Variants in CSMD1 observed in about 807,000 individuals in gnomAD.
The protein encoded by CSMD1 is CUB and sushi domain-containing protein 1.
In CSMD1, 213 loss-of-function variants were observed where a neutral mutation model predicts 417.5. That is an observed-to-expected ratio of 0.51 (90% CI 0.46 to 0.57). The LOEUF is 0.57. Ranked by LOEUF, CSMD1 falls within the 20% of genes least tolerant of loss-of-function variation. The pLI, the probability that CSMD1 is intolerant of heterozygous loss-of-function variation, is 0.00. For missense variants in CSMD1, 6,923 were observed against 4,529.7 expected (o/e 1.53, Z -15.17); for synonymous variants, 2,862 against 1,736.8 (o/e 1.65, Z -16.11).
chr8:3,052,612 C>T lies in CSMD1; in HGVS notation c.7510G>A (p.Gly2504Ser), dbSNP rs1220667084. The T allele has an allele frequency of 1.2e-5, 19 of 1,611,248 alleles. No homozygotes were observed. The highest frequency in any genetic ancestry group is 1.5e-5 in the Non-Finnish European group (18 of 1,178,846). Residue 2504 changes from glycine (G) to serine (S), a missense_variant, in exon 50 of 70, where the codon GGT (glycine) becomes AGT (serine). Transcript: ENST00000635120. Reference protein sequence around the residue: ...SCGIPESPGNGSFTGNEFTLD... With the variant: ...SCGIPESPGNSSFTGNEFTLD... ...GTGAACTCGTTCCCGGTAAATGAACCGTTTCCTGGGGATTCTGGGATTCCA... is the reference window on the plus strand; with the variant it reads ...GTGAACTCGTTCCCGGTAAATGAACTGTTTCCTGGGGATTCTGGGATTCCA...
intron 3 of CSMD1, among the ~76,000 whole-genome samples, chr8:4,315,690 G>C (rs892000361): frequency 6.6e-6 from 1 of 152,114 alleles, no homozygotes; most frequent in African/African-American, 2.4e-5. Flanking sequence ...TTATAAAATA[G>C]CCATTGAAGT....
At chr8:4,396,877 G>T (rs571071649) in intron 3 of CSMD1, among the ~76,000 whole-genome samples, 46 of 152,134 alleles carry the variant, frequency 3.0e-4, no homozygotes, top group African/African-American at 1.1e-3. Flanking sequence ...TCAGGACTAG[G>T]GGGAAAGGGT....
At chr8:4,236,734 G>C (rs932615962) in intron 3 of CSMD1, among the ~76,000 whole-genome samples, 1 of 152,160 alleles carries the variant, frequency 6.6e-6, no homozygotes, top group African/African-American at 2.4e-5. Context: ...TGCCTTCGAA[G>C]ACTGCTGGAT....
chr8:4,397,420 T>G (rs1335717951), intron 3 of CSMD1, among the ~76,000 whole-genome samples: 1 of 151,902 alleles, frequency 6.6e-6, no homozygotes, highest in Non-Finnish European at 1.5e-5. Context: ...AAGAAATCAT[T>G]AGGAACATGG....
At chr8:4,518,001 T>G (rs1375363315) in intron 2 of CSMD1, among the ~76,000 whole-genome samples, 1 of 152,194 alleles carries the variant, frequency 6.6e-6, no homozygotes, top group Non-Finnish European at 1.5e-5. Flanking sequence ...TGATACTCAT[T>G]AAATTGATAC....
chr8:4,537,999 G>A (rs539746428), intron 2 of CSMD1, among the ~76,000 whole-genome samples: 138 of 152,234 alleles, frequency 9.1e-4, no homozygotes, highest in East Asian at 1.5e-3. Flanking sequence ...CATGCTCTGC[G>A]TCATGGTTTT....
chr8:4,068,450 T>G (rs940327070), intron 3 of CSMD1, among the ~76,000 whole-genome samples: 2 of 152,218 alleles, frequency 1.3e-5, no homozygotes, highest in Non-Finnish European at 2.9e-5. Flanking sequence ...TGTATATTTT[T>G]AGAAAGAAGT....
At chr8:4,213,141 A>C (rs1800423733) in intron 3 of CSMD1, among the ~76,000 whole-genome samples, 1 of 152,138 alleles carries the variant, frequency 6.6e-6, no homozygotes, top group Non-Finnish European at 1.5e-5. Flanking sequence ...ACATCTGGAA[A>C]ATTTCTTACT....
At chr8:3,898,196 T>A (rs1041936768) in intron 5 of CSMD1, among the ~76,000 whole-genome samples, 10 of 152,128 alleles carry the variant, frequency 6.6e-5, no homozygotes, top group African/African-American at 2.4e-4. Flanking sequence ...AGCAACAAGC[T>A]TATGAGTATG....
At chr8:3,606,258 T>C (rs979128883) in intron 8 of CSMD1, among the ~76,000 whole-genome samples, 1 of 152,074 alleles carries the variant, frequency 6.6e-6, no homozygotes, top group Non-Finnish European at 1.5e-5. Context: ...GTTAGGCAAT[T>C]TGGTGGTTGT....
intron 1 of CSMD1, among the ~76,000 whole-genome samples, chr8:4,738,329 A>G (rs1810374164): frequency 6.6e-6 from 1 of 152,228 alleles, no homozygotes; most frequent in South Asian, 2.1e-4. Context: ...CTAACATTTC[A>G]GCATGGGCGA....
chr8:4,002,052 T>G lies in CSMD1; in HGVS notation c.611-3942A>C, dbSNP rs192160303. Among the ~76,000 whole-genome samples the G allele has an allele frequency of 7.9e-5, 12 of 152,284 alleles. No homozygotes were observed. In the East Asian group the frequency reaches 2.3e-3, roughly 29 times the overall value. On this transcript the variant is annotated intron_variant, in intron 4 of 69. Coordinates refer to ENST00000635120, the MANE Select transcript of CSMD1 (RefSeq NM_033225.6). ...TTTGTATAGCACTCCACATAAAATATAGTAGAAGATTATTAAGATAGTCTG... is the reference window on the plus strand; with the variant it reads ...TTTGTATAGCACTCCACATAAAATAGAGTAGAAGATTATTAAGATAGTCTG...
chr8:3,974,882 T>A (rs1813326790), intron 5 of CSMD1, among the ~76,000 whole-genome samples: 1 of 152,118 alleles, frequency 6.6e-6, no homozygotes, highest in South Asian at 2.1e-4. Context: ...ATTTAAGAAT[T>A]TAAAAATAAC....
chr8:4,440,905 G>T (rs1342024172), intron 2 of CSMD1, among the ~76,000 whole-genome samples: 1 of 151,344 alleles, frequency 6.6e-6, no homozygotes, highest in African/African-American at 2.4e-5. Flanking sequence ...ACTGAGGCAT[G>T]AGAATCACTT....
At chr8:4,066,765 C>G (rs1011035636) in intron 3 of CSMD1, among the ~76,000 whole-genome samples, 1 of 152,070 alleles carries the variant, frequency 6.6e-6, no homozygotes, top group South Asian at 2.1e-4. Context: ...CAAGCAAATA[C>G]GGAAAGGGGC....
chr8:3,575,169 GTAAA>G, intron 9 of CSMD1, 103 bp from the exon 10 acceptor site: 1 of 706,406 alleles, frequency 1.4e-6, no homozygotes, highest in Admixed American at 5.9e-5. Flanking sequence ...TCTAATCACA[GTAAA>G]AAAAAAAAAA....
intron 50 of CSMD1, among the ~76,000 whole-genome samples, chr8:3,048,555 A>C (rs1188043073): frequency 6.6e-6 from 1 of 152,192 alleles, no homozygotes; most frequent in East Asian, 1.9e-4. Context: ...ATCCAGACAC[A>C]GACCTTTTGC....
intron 2 of CSMD1, among the ~76,000 whole-genome samples, chr8:4,619,630 C>A (rs1296560858): frequency 6.6e-6 from 1 of 152,110 alleles, no homozygotes; most frequent in Non-Finnish European, 1.5e-5. Flanking sequence ...GCACTCTGTA[C>A]TCTAGCCACA....
intron 2 of CSMD1, among the ~76,000 whole-genome samples, chr8:4,622,410 C>A (rs374107223): frequency 6.6e-6 from 1 of 151,994 alleles, no homozygotes; most frequent in South Asian, 2.1e-4. Flanking sequence ...GCGAGCTACC[C>A]GATGGGGTGA....
Sources: allele counts gnomAD v4.1 joint callset (sites outside exome capture counted in the v4.1 genomes callset), GRCh38; gene constraint gnomAD v4.1.1; transcripts MANE v1.5; gene names NCBI Gene and HGNC (gene_info 2026-07-23, HGNC 2026-07-21).